Variants in RRAGB observed in about 807,000 individuals in gnomAD.
RRAGB encodes ras-related GTP-binding protein B.
Under a neutral mutation model 29.3 loss-of-function variants are expected in RRAGB, and 6 were observed. The ratio of observed to expected loss-of-function variants is 0.21; its 90% CI spans 0.11 to 0.40. RRAGB has a LOEUF of 0.40. Among genes scored for constraint, RRAGB ranks in the 10% least tolerant of loss-of-function variants. The pLI is 1.00. For missense variants in RRAGB, 184 were observed against 272.9 expected, an observed-to-expected ratio of 0.67 and a Z score of 2.29; for synonymous variants, 101 against 92.5, an observed-to-expected ratio of 1.09 and a Z score of -0.53.
At chrX:55,747,193 C>T (rs2034274727) in intron 5 of RRAGB, among the ~76,000 whole-genome samples, 1 of 112,073 alleles carries the variant, frequency 8.9e-6, no homozygotes, top group East Asian at 2.8e-4. Context: ...GATGGAGTGG[C>T]TGCTTCTACT....
intron 3 of RRAGB, among the ~76,000 whole-genome samples, chrX:55,728,969 G>A (rs898468196): frequency 5.5e-5 from 6 of 109,847 alleles, no homozygotes; most frequent in African/African-American, 2.0e-4. Context: ...GGGGCAAGTG[G>A]GACAGGGAAG....
At chrX:55,744,782 T>G (rs765111346) in intron 5 of RRAGB, among the ~76,000 whole-genome samples, 1 of 112,425 alleles carries the variant, frequency 8.9e-6, no homozygotes, top group African/African-American at 3.2e-5. Flanking sequence ...CCATTGACAC[T>G]TCAAGCACCA....
intron 9 of RRAGB, 150 bp downstream of exon 9, chrX:55,757,481 A>G (rs2034687659): frequency 3.2e-6 from 1 of 312,442 alleles, no homozygotes; most frequent in Non-Finnish European, 5.7e-6. Flanking sequence ...AATGAACTGT[A>G]TGCTTAAAAA....
At chrX:55,739,179 C>T (rs2033966298) in intron 5 of RRAGB, among the ~76,000 whole-genome samples, 1 of 113,068 alleles carries the variant, frequency 8.8e-6, no homozygotes, top group East Asian at 2.8e-4. Flanking sequence ...ATAAGCCTTC[C>T]TGCTGCCTGA....
rs1467092190 is a variant in RRAGB at position 55,758,289 on chromosome X, C to G, written c.987C>G (p.His329Gln). The G allele has an allele frequency of 8.3e-7, 1 of 1,207,945 alleles. No homozygotes were observed. Among genetic ancestry groups the G allele is most frequent in the Admixed American group, 2.2e-5 (1 of 45,857 alleles). ...TCAACATCCGCAATGCCAGGAAACACTTTGAAAAGCTGGAAAGAGTGGATG... is the reference window on the plus strand; with the variant it reads ...TCAACATCCGCAATGCCAGGAAACAGTTTGAAAAGCTGGAAAGAGTGGATG... The part of the protein sequence containing the change: ...TLINIRNARK[H>Q]FEKLERVDGP... The change falls in exon 10 of 10, where the codon CAC becomes CAG. Residue 329 changes from histidine to glutamine, a missense_variant. His to Gln is a conservative substitution (Grantham distance 24). Transcript: ENST00000374941.
At chrX:55,754,235 G>A (rs753182603) in intron 7 of RRAGB, among the ~76,000 whole-genome samples, 21 of 112,654 alleles carry the variant, frequency 1.9e-4, no homozygotes, top group Non-Finnish European at 3.9e-4. Context: ...TCATCTCAGT[G>A]ACATAGGAGT....
intron 7 of RRAGB, 51 bp downstream of exon 7, chrX:55,753,565 T>G: frequency 9.1e-7 from 1 of 1,104,603 alleles, no homozygotes; most frequent in Non-Finnish European, 1.2e-6. Context: ...GTTCTTTGTT[T>G]TCAGCAACAG....
At chrX:55,754,239 T>C (rs1225987335) in intron 7 of RRAGB, among the ~76,000 whole-genome samples, 2 of 112,681 alleles carry the variant, frequency 1.8e-5, no homozygotes, top group Non-Finnish European at 3.7e-5. Flanking sequence ...CTCAGTGACA[T>C]AGGAGTTCAC....
Position 55,722,293 on chromosome X carries a change from G to A in RRAGB, c.226+8G>A, listed in dbSNP as rs1441899096. 9.0e-7 allele frequency: 1 copy of A among 1,108,007 alleles called. No individual in the cohort carries two copies. Among genetic ancestry groups the A allele is most frequent in the South Asian group, 1.9e-5 (1 of 52,664 alleles). The allele number at this position is 1,108,007 out of a possible 1,213,427, so 91.3% of individuals were successfully genotyped here. ...GTCGCCTTGGCGCAACAAGTAAGAT[G>A]TTTTATCTTATTGTAAAGTCAGGTG... On this transcript the variant is annotated splice_region_variant and intron_variant, in intron 3 of 9. Transcript: ENST00000374941.
At chrX:55,728,310 C>A (rs1176542545) in intron 3 of RRAGB, among the ~76,000 whole-genome samples, 1 of 112,118 alleles carries the variant, frequency 8.9e-6, no homozygotes. Flanking sequence ...GCTCACTCTA[C>A]TATCTCATTG....
chrX:55,746,915 C>T (rs2034265451), intron 5 of RRAGB, among the ~76,000 whole-genome samples: 1 of 112,478 alleles, frequency 8.9e-6, no homozygotes, highest in South Asian at 3.6e-4. Context: ...CCACTATTAT[C>T]CTATACCTTT....
At chrX:55,718,461 C>G in intron 1 of RRAGB, 42 bp downstream of exon 1, 3 of 886,989 alleles carry the variant, frequency 3.4e-6, no homozygotes, top group Non-Finnish European at 4.8e-6. Flanking sequence ...TGGGGGTGTT[C>G]AAATTGAAGA....
chrX:55,722,108 G>C (rs747067559), intron 2 of RRAGB, 78 bp from the exon 3 acceptor site: 1 of 541,894 alleles, frequency 1.8e-6, no homozygotes, highest in Admixed American at 2.8e-5. Context: ...AAATCCAGGA[G>C]AGAAATAGAT....
intron 6 of RRAGB, 102 bp downstream of exon 6, chrX:55,751,298 A>G (rs2034520034): frequency 4.5e-6 from 2 of 442,367 alleles, no homozygotes. Context: ...ATAGCCATCT[A>G]GATTTGTTGT....
In RRAGB at chrX:55,729,376, T is replaced by C; in HGVS notation, c.293+16T>C. 8.8e-7 allele frequency: 1 copy of C among 1,139,267 alleles called. No homozygotes were observed. The highest frequency in any genetic ancestry group is 1.2e-6 in the Non-Finnish European group (1 of 832,226). 93.9% of individuals were successfully genotyped at this position (1,139,267 alleles called of 1,213,427 possible). On this transcript the variant is annotated intron_variant, in intron 4 of 9. Coordinates refer to ENST00000374941, the MANE Select transcript of RRAGB (RefSeq NM_006064.5). Reference sequence around the variant, plus strand: ...ATTGTGGTGGGTAAGTACCATCTGCTTACTTGTTTGTGAAGCCGATGTCAG... The same window carrying C: ...ATTGTGGTGGGTAAGTACCATCTGCCTACTTGTTTGTGAAGCCGATGTCAG...
chrX:55,725,870 T>A (rs1356992695), intron 3 of RRAGB, among the ~76,000 whole-genome samples: 1 of 111,430 alleles, frequency 9.0e-6, no homozygotes, highest in African/African-American at 3.3e-5. Context: ...TAAAAAAAAA[T>A]CTTTATCATA....
chrX:55,750,048 T>TAAAAAAA (rs774847577), intron 5 of RRAGB, among the ~76,000 whole-genome samples: 1 of 16,771 alleles, frequency 6.0e-5, no homozygotes, highest in Non-Finnish European at 1.0e-4. Flanking sequence ...AATGATCAAT[T>TAAAAAAA]AAAAAAAAAA....
intron 5 of RRAGB, among the ~76,000 whole-genome samples, chrX:55,738,020 A>G (rs1399498918): frequency 8.9e-6 from 1 of 112,413 alleles, no homozygotes; most frequent in Non-Finnish European, 1.9e-5. Flanking sequence ...CTTGGATACC[A>G]GCAGTCTGCT....
chrX:55,733,449 G>C (rs2033751096), intron 5 of RRAGB, among the ~76,000 whole-genome samples: 1 of 111,650 alleles, frequency 9.0e-6, no homozygotes, highest in Admixed American at 9.5e-5. Context: ...CTCATAAAGG[G>C]CTCTTACTAT....
Sources: allele counts gnomAD v4.1 joint callset (sites outside exome capture counted in the v4.1 genomes callset), GRCh38; gene constraint gnomAD v4.1.1; transcripts MANE v1.5; gene names NCBI Gene and HGNC (gene_info 2026-07-23, HGNC 2026-07-21).